The following SLC25A14 variants were observed in gnomAD, a reference collection of about 807,000 sequenced individuals.
SLC25A14 encodes the protein solute carrier family 25 member 14.
SLC25A14 carries 8 observed loss-of-function variants against 28.1 expected under a neutral mutation model. The observed-to-expected ratio is 0.28, with a 90% confidence interval of 0.17 to 0.51. SLC25A14 has a LOEUF of 0.51. Ranked by LOEUF, SLC25A14 falls within the 20% of genes least tolerant of loss-of-function variation. SLC25A14 has a pLI of 0.97. For synonymous variants in SLC25A14, 74 were observed against 90.6 expected (o/e 0.82, Z 1.04); for missense variants, 135 against 263.8 (o/e 0.51, Z 3.38).
At chrX:130,346,721 A>C (rs763753214) in intron 4 of SLC25A14, 30 bp downstream of exon 4, 26 of 1,141,136 alleles carry the variant, frequency 2.3e-5, no homozygotes, top group Non-Finnish European at 3.1e-5. Context: ...TATATCATTA[A>C]CAGAAATGCT....
intron 10 of SLC25A14, among the ~76,000 whole-genome samples, chrX:130,372,276 C>T (rs2034279970): frequency 9.0e-6 from 1 of 110,624 alleles, no homozygotes; most frequent in African/African-American, 3.3e-5. Flanking sequence ...TATATGTCGT[C>T]ACTGATGTTC....
chrX:130,353,232 A>G (rs897628880), intron 6 of SLC25A14, among the ~76,000 whole-genome samples: 1 of 111,866 alleles, frequency 8.9e-6, no homozygotes, highest in Non-Finnish European at 1.9e-5. Context: ...ATTTAATTGA[A>G]GAGCTCCTTG....
At chrX:130,372,587 C>G (rs991222317) in intron 10 of SLC25A14, among the ~76,000 whole-genome samples, 1 of 108,872 alleles carries the variant, frequency 9.2e-6, no homozygotes, top group South Asian at 4.1e-4. Flanking sequence ...CTCAGCCTCC[C>G]GAGTAGCTGG....
intron 5 of SLC25A14, among the ~76,000 whole-genome samples, chrX:130,350,371 G>T (rs1315670084): frequency 9.0e-6 from 1 of 111,573 alleles, no homozygotes; most frequent in Non-Finnish European, 1.9e-5. Flanking sequence ...TTGTGTGTGG[G>T]ATACTGATAG....
chrX:130,343,670 AC>A (rs2033336063), intron 2 of SLC25A14, among the ~76,000 whole-genome samples: 1 of 104,841 alleles, frequency 9.5e-6, no homozygotes, highest in African/African-American at 3.4e-5. Context: ...ATAGCTGCTA[AC>A]CCCAGACTGG....
intron 6 of SLC25A14, among the ~76,000 whole-genome samples, chrX:130,357,753 A>G (rs2033837135): frequency 8.9e-6 from 1 of 111,875 alleles, no homozygotes; most frequent in African/African-American, 3.2e-5. Flanking sequence ...GTGACTGACT[A>G]CTAGGATTGT....
At chrX:130,368,604 T>C (rs181733534) in intron 9 of SLC25A14, among the ~76,000 whole-genome samples, 1 of 112,854 alleles carries the variant, frequency 8.9e-6, no homozygotes, top group African/African-American at 3.2e-5. Flanking sequence ...TAAGATTTAC[T>C]ATACAATAAT....
In SLC25A14 at chrX:130,365,637, T is replaced by C; in HGVS notation, c.816T>C (p.His272=). The C allele has an allele frequency of 1.7e-6, 2 of 1,210,976 alleles. No homozygotes were observed. Among genetic ancestry groups the C allele is most frequent in the African/African-American group, 3.5e-5 (2 of 57,792 alleles). The change falls in exon 9 of 11, where the codon CAT becomes CAC. Residue 272 remains histidine, a synonymous_variant. Coordinates refer to ENST00000545805, the MANE Select transcript of SLC25A14 (RefSeq NM_001282195.2). ...RMMNQRAIVG[H]VDLYKGTVDG... is the part of the protein sequence containing the mutation. ...TGAACCAGAGGGCAATCGTGGGACA[T>C]GTGGATCTCTATAAGGGCACTGTTG...
At chrX:130,371,956 G>A (rs1016189603) in intron 10 of SLC25A14, among the ~76,000 whole-genome samples, 2 of 112,198 alleles carry the variant, frequency 1.8e-5, no homozygotes, top group Admixed American at 9.5e-5. Context: ...CCATGCTGAG[G>A]TGGTTCAGAT....
chrX:130,371,131 A>G (rs2034253252), intron 9 of SLC25A14, among the ~76,000 whole-genome samples: 1 of 111,763 alleles, frequency 8.9e-6, no homozygotes, highest in Non-Finnish European at 1.9e-5. Context: ...TCCAAGAGAG[A>G]ATAAGGCAGA....
At chrX:130,346,403 A>G in intron 3 of SLC25A14, 141 bp from the exon 4 acceptor site, 1 of 481,074 alleles carries the variant, frequency 2.1e-6, no homozygotes, top group South Asian at 3.5e-5. Context: ...GTTCTCTGAC[A>G]GTGGTATTCT....
At chrX:130,360,233 C>T (rs925584236) in intron 7 of SLC25A14, among the ~76,000 whole-genome samples, 2 of 110,404 alleles carry the variant, frequency 1.8e-5, no homozygotes, top group Non-Finnish European at 3.8e-5. Flanking sequence ...GTGTTTGTTT[C>T]TCTATCTTTA....
intron 4 of SLC25A14, 120 bp downstream of exon 4, chrX:130,346,811 T>C: frequency 1.6e-5 from 9 of 560,189 alleles, no homozygotes; most frequent in Non-Finnish European, 8.5e-6. Flanking sequence ...TAATTCAGTA[T>C]TGATATGCCA....
At chrX:130,365,777 A>G in intron 9 of SLC25A14, 101 bp downstream of exon 9, 1 of 589,130 alleles carries the variant, frequency 1.7e-6, no homozygotes, top group Non-Finnish European at 2.6e-6. Context: ...TTTGAAGATG[A>G]AAGAATCATA....
At position 130,372,533 on chromosome X, in the gene SLC25A14, G is replaced by T. The variant is rs188046459; in HGVS notation, c.937-376G>T. On this transcript the variant is annotated intron_variant, in intron 10 of 10. Transcript: ENST00000545805. ...GCTGGAGTGCAGTGGCGCGATCTCG[G>T]CTCACTGCAAACTCCACCTCCTGAG... is the stretch of plus-strand genomic sequence containing the variant. 6.3e-4 allele frequency among the ~76,000 whole-genome samples: 68 copies of T among 108,239 alleles called. No homozygotes were observed. In the East Asian group the frequency reaches 0.016, roughly 25 times the overall value. The allele number at this position is 108,239 out of a possible 115,157, so 94.0% of individuals were successfully genotyped here.
chrX:130,358,683 T>C lies in SLC25A14; in HGVS notation c.542T>C (p.Ile181Thr). Residue 181 changes from isoleucine to threonine, a missense_variant, in exon 7 of 11, where the codon ATT becomes ACT. Coordinates refer to ENST00000545805, the MANE Select transcript of SLC25A14 (RefSeq NM_001282195.2). ...AQGSLFQGSM[I>T]GSFIDIYQQE... ...GGAAGCTTGTTCCAAGGGAGCATGA[T>C]TGGAAGCTTTATCGATATATACCAA... 1 of 1,208,040 alleles carries C rather than the reference T, an allele frequency of 8.3e-7. No individual in the cohort carries two copies. Among genetic ancestry groups the C allele is most frequent in the Non-Finnish European group, 1.1e-6 (1 of 892,454 alleles).
chrX:130,340,083 C>G, intron 1 of SLC25A14, 24 bp from the exon 2 acceptor site: 1 of 1,057,487 alleles, frequency 9.5e-7, no homozygotes, highest in Non-Finnish European at 1.2e-6. Context: ...GCTTAACGGT[C>G]CTCTGGTCTC....
At chrX:130,343,235 A>AT (rs1220553441) in intron 2 of SLC25A14, among the ~76,000 whole-genome samples, 9 of 111,947 alleles carry the variant, frequency 8.0e-5, no homozygotes, top group South Asian at 7.4e-4. Flanking sequence ...TGGAGAGTTA[A>AT]TTTTTTCCTC....
intron 10 of SLC25A14, among the ~76,000 whole-genome samples, chrX:130,372,480 T>C (rs886070275): frequency 4.6e-5 from 5 of 107,770 alleles, no homozygotes; most frequent in Non-Finnish European, 7.7e-5. Flanking sequence ...TTTTTTTTTT[T>C]GAGATGGAGT....
Sources: allele counts gnomAD v4.1 joint callset (sites outside exome capture counted in the v4.1 genomes callset), GRCh38; gene constraint gnomAD v4.1.1; transcripts MANE v1.5; gene names NCBI Gene and HGNC (gene_info 2026-07-23, HGNC 2026-07-21).